Variants in CLDN34 observed in about 807,000 individuals in gnomAD.
The protein encoded by CLDN34 is claudin 34, also known as claudin-34.
For synonymous variants in CLDN34, 71 were observed against 65.0 expected (o/e 1.09, Z -0.45); for missense variants, 166 against 171.5 (o/e 0.97, Z 0.18).
Position 9,967,605 on chromosome X carries a change from C to A in CLDN34, c.248C>A (p.Pro83His). 1 of 1,154,564 alleles carries A rather than the reference C, an allele frequency of 8.7e-7. No individual in the cohort carries two copies. Among genetic ancestry groups the A allele is most frequent in the East Asian group, 3.3e-5 (1 of 30,677 alleles). The change falls in exon 1 of 1, where the codon CCT becomes CAT. Residue 83 changes from proline (P) to histidine (H), a missense_variant. Pro to His is a moderately conservative substitution (Grantham distance 77). Transcript: ENST00000445307. ...YRYSYQDTFL[P>H]FEISMAQRFL... The stretch of plus-strand genomic sequence containing the variant: ...TACAGCTACCAGGACACCTTTCTCC[C>A]TTTTGAAATTTCCATGGCTCAACGC...
At position 9,968,034 on chromosome X, in the gene CLDN34, A is replaced by C; in HGVS notation, c.*32A>C. The C allele has an allele frequency of 8.9e-7, 1 of 1,124,381 alleles. No individual in the cohort carries two copies. The highest frequency in any genetic ancestry group is 1.2e-6 in the Non-Finnish European group (1 of 844,215). 92.7% of individuals were successfully genotyped at this position (1,124,381 alleles called of 1,213,427 possible). On this transcript the variant is annotated 3_prime_UTR_variant, in exon 1 of 1. Coordinates refer to ENST00000445307, the MANE Select transcript of CLDN34 (RefSeq NM_001195081.2). Reference sequence around the variant, plus strand: ...TGGTTGCATTGGCTTTGCAAATCTAAGATTTCTGGGAGTTTATGGAAAATG... The same window carrying C: ...TGGTTGCATTGGCTTTGCAAATCTACGATTTCTGGGAGTTTATGGAAAATG...
Position 9,967,593 on chromosome X carries a change from A to T in CLDN34, c.236A>T (p.Asp79Val). 8.7e-7 allele frequency: 1 copy of T among 1,155,932 alleles called. No homozygotes were observed. The highest frequency in any genetic ancestry group is 1.1e-6 in the Non-Finnish European group (1 of 872,885). Reference protein sequence around the residue: ...TKFCYRYSYQDTFLPFEISMA... With the variant: ...TKFCYRYSYQVTFLPFEISMA... ...TTTTGTTACCGATACAGCTACCAGG[A>T]CACCTTTCTCCCTTTTGAAATTTCC... The change falls in exon 1 of 1, where the codon GAC (aspartate) becomes GTC (valine). Residue 79 changes from aspartate (D) to valine (V), a missense_variant. Physicochemically the swap from Asp to Val is radical, Grantham distance 152. Coordinates refer to ENST00000445307, the MANE Select transcript of CLDN34 (RefSeq NM_001195081.2).
In CLDN34 at chrX:9,967,498, T is replaced by A. The variant is rs1331712359; in HGVS notation, c.141T>A (p.Pro47=). ...TGAAAGACACCTCGCTCTACCCCCCTGGAATCGCCTGCGTGGGAATATTTA... is the reference window on the plus strand; with the variant it reads ...TGAAAGACACCTCGCTCTACCCCCCAGGAATCGCCTGCGTGGGAATATTTA... ...WYMKDTSLYP[P]GIACVGIFRV... is the part of the protein sequence containing the mutation. The change falls in exon 1 of 1, where the codon CCT becomes CCA. Residue 47 remains proline, a synonymous_variant. Coordinates refer to ENST00000445307, the MANE Select transcript of CLDN34 (RefSeq NM_001195081.2). 1 of 1,155,371 alleles carries A rather than the reference T, an allele frequency of 8.7e-7. No homozygotes were observed. Among genetic ancestry groups the A allele is most frequent in the Admixed American group, 2.6e-5 (1 of 38,618 alleles).
chrX:9,967,539 G>A lies in CLDN34; in HGVS notation c.182G>A (p.Arg61Gln), dbSNP rs1198913868. 5 of 1,155,484 alleles carry A rather than the reference G, an allele frequency of 4.3e-6. No homozygotes were observed. Among genetic ancestry groups the A allele is most frequent in the Admixed American group, 5.2e-5 (2 of 38,634 alleles). The change falls in exon 1 of 1, where the codon CGG (arginine) becomes CAG (glutamine). Residue 61 changes from arginine (R) to glutamine (Q), a missense_variant. Transcript: ENST00000445307. ...CVGIFRVCIYRRRTNSTTTKF... is the reference protein window; with the variant it reads ...CVGIFRVCIYQRRTNSTTTKF... ...GGAATATTTAGAGTCTGCATTTACC[G>A]GCGTCGCACCAACAGCACCACAACC...
Position 9,968,019 on chromosome X carries a change from G to C in CLDN34, c.*17G>C. 8.7e-7 allele frequency: 1 copy of C among 1,145,960 alleles called. No homozygotes were observed. The highest frequency in any genetic ancestry group is 1.2e-6 in the Non-Finnish European group (1 of 863,896). The allele number at this position is 1,145,960 out of a possible 1,213,427, so 94.4% of individuals were successfully genotyped here. A position where few individuals can be genotyped will look rare whatever the true frequency, so the allele number is the denominator to read the frequency against. Reference sequence around the variant, plus strand: ...GAAATGTGAATTTCCTGGTTGCATTGGCTTTGCAAATCTAAGATTTCTGGG... The same window carrying C: ...GAAATGTGAATTTCCTGGTTGCATTCGCTTTGCAAATCTAAGATTTCTGGG... On this transcript the variant is annotated 3_prime_UTR_variant, in exon 1 of 1. Transcript: ENST00000445307.
Position 9,967,424 on chromosome X carries a change from A to C in CLDN34, c.67A>C (p.Ile23Leu). The C allele has an allele frequency of 3.5e-6, 4 of 1,155,121 alleles. No homozygotes were observed. The East Asian group carries it at 1.3e-4, about 38-fold the overall frequency. ...SVFALTTIGWILSSTSTGLVE... is the reference protein window; with the variant it reads ...SVFALTTIGWLLSSTSTGLVE... ...CTTCGCCCTTACCACCATAGGATGG[A>C]TCCTCTCCTCTACGTCCACGGGCCT... Residue 23 changes from isoleucine (I) to leucine (L), a missense_variant, in exon 1 of 1, where the codon ATC (isoleucine) becomes CTC (leucine). Ile to Leu is a conservative substitution (Grantham distance 5). Transcript: ENST00000445307.
At position 9,967,720 on chromosome X, in the gene CLDN34, G is replaced by A; in HGVS notation, c.363G>A (p.Glu121=). Residue 121 remains glutamate, a synonymous_variant, in exon 1 of 1, where the codon GAG becomes GAA. Coordinates refer to ENST00000445307, the MANE Select transcript of CLDN34 (RefSeq NM_001195081.2). ...LRNMSMRMFE[E]DTYNSFVVSG... ...ACATGTCCATGAGAATGTTTGAGGA[G>A]GACACCTACAATTCATTCGTTGTTT... 2 of 1,155,562 alleles carry A rather than the reference G, an allele frequency of 1.7e-6. No individual in the cohort carries two copies. The highest frequency in any genetic ancestry group is 2.3e-6 in the Non-Finnish European group (2 of 872,620).
At position 9,968,122 on chromosome X, in the gene CLDN34, C is replaced by CAGAAGGTGG. The variant is rs1569186566; in HGVS notation, c.*121_*129dup. 2 of 665,607 alleles carry CAGAAGGTGG rather than the reference C, an allele frequency of 3.0e-6. No individual in the cohort carries two copies. The highest frequency in any genetic ancestry group is 5.3e-5 in the Admixed American group (2 of 38,062). The allele number at this position is 665,607 out of a possible 1,213,427, so 54.9% of individuals were successfully genotyped here. On this transcript the variant is annotated 3_prime_UTR_variant, in exon 1 of 1. Coordinates refer to ENST00000445307, the MANE Select transcript of CLDN34 (RefSeq NM_001195081.2). Reference sequence around the variant, plus strand: ...AGACCGTGGCATGGGTAGTTTGGGACAGAAGGTGGCCAACTGCCTCCTTCT... The same window carrying CAGAAGGTGG: ...AGACCGTGGCATGGGTAGTTTGGGACAGAAGGTGGAGAAGGTGGCCAACTGCCTCCTTCT...
chrX:9,967,877 G>A lies in CLDN34; in HGVS notation c.520G>A (p.Glu174Lys). The part of the protein sequence containing the change: ...LQMPFKPDVQ[E>K]VGTAIQVAGI... ...AATGCCCTTCAAGCCAGATGTGCAG[G>A]AAGTTGGCACTGCCATTCAAGTGGC... The change falls in exon 1 of 1, where the codon GAA becomes AAA. Residue 174 changes from glutamate to lysine, a missense_variant. By Grantham distance (56) the Glu-to-Lys change is moderately conservative. Transcript: ENST00000445307. 1 of 1,155,884 alleles carries A rather than the reference G, an allele frequency of 8.7e-7. No individual in the cohort carries two copies. Among genetic ancestry groups the A allele is most frequent in the Non-Finnish European group, 1.1e-6 (1 of 872,886 alleles).
In CLDN34 at chrX:9,967,421, T is replaced by C. The variant is rs896825408; in HGVS notation, c.64T>C (p.Trp22Arg). 5.2e-6 allele frequency: 6 copies of C among 1,155,430 alleles called. No homozygotes were observed. Among genetic ancestry groups the C allele is most frequent in the Non-Finnish European group, 6.9e-6 (6 of 872,461 alleles). ...FSVFALTTIG[W>R]ILSSTSTGLV... is the part of the protein sequence containing the mutation. ...AGTCTTCGCCCTTACCACCATAGGA[T>C]GGATCCTCTCCTCTACGTCCACGGG... The change falls in exon 1 of 1, where the codon TGG becomes CGG. Residue 22 changes from tryptophan to arginine, a missense_variant. Transcript: ENST00000445307.
Position 9,968,225 on chromosome X carries a change from G to T in CLDN34, c.*223G>T. On this transcript the variant is annotated 3_prime_UTR_variant, in exon 1 of 1. Coordinates refer to ENST00000445307, the MANE Select transcript of CLDN34 (RefSeq NM_001195081.2). ...CTTTTATTTAAAAGTCTTCCCACCT[G>T]CCAGTTGGTCTTATTGCATCTGAAT... 2.1e-6 allele frequency: 1 copy of T among 473,964 alleles called. No individual in the cohort carries two copies. 39.1% of individuals were successfully genotyped at this position (473,964 alleles called of 1,213,427 possible).
Position 9,967,764 on chromosome X carries a change from C to T in CLDN34, c.407C>T (p.Ala136Val). The T allele has an allele frequency of 8.7e-7, 1 of 1,155,159 alleles. No individual in the cohort carries two copies. Among genetic ancestry groups the T allele is most frequent in the Non-Finnish European group, 1.1e-6 (1 of 872,419 alleles). The part of the protein sequence containing the change: ...SFVVSGILNI[A>V]AGVFNLIAVL... ...GTTGTTTCAGGAATTCTCAACATTG[C>T]TGCTGGTGTCTTTAACTTAATTGCT... The change falls in exon 1 of 1, where the codon GCT becomes GTT. Residue 136 changes from alanine to valine, a missense_variant. By Grantham distance (64) the Ala-to-Val change is moderately conservative (BLOSUM62 0). Transcript: ENST00000445307.
chrX:9,967,436 A>G lies in CLDN34; in HGVS notation c.79A>G (p.Thr27Ala), dbSNP rs1370867078. The part of the protein sequence containing the change: ...LTTIGWILSS[T>A]STGLVEWRIW... ...CACCATAGGATGGATCCTCTCCTCT[A>G]CGTCCACGGGCCTCGTGGAGTGGCG... The change falls in exon 1 of 1, where the codon ACG becomes GCG. Residue 27 changes from threonine to alanine, a missense_variant. Coordinates refer to ENST00000445307, the MANE Select transcript of CLDN34 (RefSeq NM_001195081.2). 6.9e-6 allele frequency: 8 copies of G among 1,152,006 alleles called. No homozygotes were observed. In the Admixed American group the frequency reaches 1.6e-4, roughly 23 times the overall value. The allele number at this position is 1,152,006 out of a possible 1,213,427, so 94.9% of individuals were successfully genotyped here.
In CLDN34 at chrX:9,968,102, G is replaced by A. The variant is rs61249528; in HGVS notation, c.*100G>A. 10,520 of 829,062 alleles carry A rather than the reference G, an allele frequency of 0.013. 647 individuals are homozygous for A. In the African/African-American group the frequency reaches 0.18, roughly 14 times the overall value. 68.3% of individuals were successfully genotyped at this position (829,062 alleles called of 1,213,427 possible). ...CAAATATTTCCAACGACTCAAGACC[G>A]TGGCATGGGTAGTTTGGGACAGAAG... On this transcript the variant is annotated 3_prime_UTR_variant, in exon 1 of 1. Coordinates refer to ENST00000445307, the MANE Select transcript of CLDN34 (RefSeq NM_001195081.2).
In CLDN34 at chrX:9,967,828, G is replaced by T. The variant is rs1175406538; in HGVS notation, c.471G>T (p.Gly157=). 1.7e-6 allele frequency: 2 copies of T among 1,155,554 alleles called. No homozygotes were observed. The highest frequency in any genetic ancestry group is 5.2e-5 in the Admixed American group (2 of 38,677). The change falls in exon 1 of 1, where the codon GGG becomes GGT. Residue 157 remains glycine (G), a synonymous_variant. Coordinates refer to ENST00000445307, the MANE Select transcript of CLDN34 (RefSeq NM_001195081.2). ...QNYDAVINSQ[G]ITFLPSLQMP... ...ACGATGCCGTCATAAACTCACAGGG[G>T]ATCACCTTCCTGCCATCTCTCCAAA...
rs1392987804 is a variant in CLDN34, at chrX:9,967,437, C to T, written c.80C>T (p.Thr27Met). 2.6e-6 allele frequency: 3 copies of T among 1,151,973 alleles called. No homozygotes were observed. Among genetic ancestry groups the T allele is most frequent in the South Asian group, 1.9e-5 (1 of 52,485 alleles). 94.9% of individuals were successfully genotyped at this position (1,151,973 alleles called of 1,213,427 possible). Reference sequence around the variant, plus strand: ...ACCATAGGATGGATCCTCTCCTCTACGTCCACGGGCCTCGTGGAGTGGCGA... The same window carrying T: ...ACCATAGGATGGATCCTCTCCTCTATGTCCACGGGCCTCGTGGAGTGGCGA... ...LTTIGWILSS[T>M]STGLVEWRIW... is the part of the protein sequence containing the mutation. Residue 27 changes from threonine to methionine, a missense_variant, in exon 1 of 1, where the codon ACG becomes ATG. Transcript: ENST00000445307.
At position 9,968,066 on chromosome X, in the gene CLDN34, G is replaced by A; in HGVS notation, c.*64G>A. 1 of 1,040,078 alleles carries A rather than the reference G, an allele frequency of 9.6e-7. No homozygotes were observed. 85.7% of individuals were successfully genotyped at this position (1,040,078 alleles called of 1,213,427 possible). A position where few individuals can be genotyped will look rare whatever the true frequency, so the allele number is the denominator to read the frequency against. On this transcript the variant is annotated 3_prime_UTR_variant, in exon 1 of 1. Transcript: ENST00000445307. ...TGGGAGTTTATGGAAAATGTTATTA[G>A]CATGCTCTACCAAATATTTCCAACG...
rs1386755308 is a variant in CLDN34, at chrX:9,968,018, T to C, written c.*16T>C. ...AGAAATGTGAATTTCCTGGTTGCAT[T>C]GGCTTTGCAAATCTAAGATTTCTGG... On this transcript the variant is annotated 3_prime_UTR_variant, in exon 1 of 1. Coordinates refer to ENST00000445307, the MANE Select transcript of CLDN34 (RefSeq NM_001195081.2). The C allele has an allele frequency of 8.7e-7, 1 of 1,144,432 alleles. No individual in the cohort carries two copies. The highest frequency in any genetic ancestry group is 1.8e-5 in the African/African-American group (1 of 55,556). The allele number at this position is 1,144,432 out of a possible 1,213,427, so 94.3% of individuals were successfully genotyped here.
chrX:9,967,954 C>A lies in CLDN34; in HGVS notation c.597C>A (p.Tyr199Ter). 1 of 1,154,370 alleles carries A rather than the reference C, an allele frequency of 8.7e-7. No homozygotes were observed. Among genetic ancestry groups the A allele is most frequent in the Non-Finnish European group, 1.1e-6 (1 of 871,519 alleles). ...MLLTGMFSLFYKCPPYGQVHP... is the reference protein window; with the variant it reads ...MLLTGMFSLF ...TAACTGGGATGTTTTCTCTGTTTTA[C>A]AAATGTCCCCCGTACGGCCAAGTGC... Residue 199 changes from tyrosine (Y) to a stop codon, truncating the protein, a stop_gained, in exon 1 of 1, where the codon TAC (tyrosine) becomes TAA (stop). Coordinates refer to ENST00000445307, the MANE Select transcript of CLDN34 (RefSeq NM_001195081.2). LOFTEE classifies it low-confidence loss of function (END_TRUNC).
Sources: allele counts gnomAD v4.1 joint callset, GRCh38; gene constraint gnomAD v4.1.1; transcripts MANE v1.5; gene names NCBI Gene and HGNC (gene_info 2026-07-23, HGNC 2026-07-21).